RPS6KA2: variants seen among roughly 807,000 people sequenced by gnomAD.
RPS6KA2 encodes ribosomal protein S6 kinase A2.
Under a neutral mutation model 91.8 loss-of-function variants are expected in RPS6KA2, and 42 were observed. The ratio of observed to expected loss-of-function variants is 0.46; its 90% confidence interval spans 0.36 to 0.59. The LOEUF is 0.59. Among genes scored for constraint, RPS6KA2 ranks in the 20% least tolerant of loss-of-function variants. RPS6KA2 has a pLI of 0.00. For missense variants in RPS6KA2, 798 were observed against 978.5 expected (o/e 0.82, Z 2.46); for synonymous variants, 414 against 393.6 (o/e 1.05, Z -0.61).
At chr6:166,436,641 G>T (rs1379104201) in intron 14 of RPS6KA2, among the ~76,000 whole-genome samples, 1 of 152,258 alleles carries the variant, frequency 6.6e-6, no homozygotes, top group African/African-American at 2.4e-5. Context: ...GGAGCCAGAG[G>T]CATGGAAGTG....
intron 2 of RPS6KA2, among the ~76,000 whole-genome samples, chr6:166,725,650 T>G (rs958481641): frequency 2.0e-5 from 3 of 152,008 alleles, no homozygotes; most frequent in South Asian, 2.1e-4. Context: ...GGTGAGCCAG[T>G]GGGGGGTGGG....
chr6:166,621,049 T>C (rs1426078224), intron 1 of RPS6KA2, among the ~76,000 whole-genome samples: 2 of 152,106 alleles, frequency 1.3e-5, no homozygotes, highest in African/African-American at 2.4e-5. Flanking sequence ...CTGGGGAGCT[T>C]TGCACACCAA....
At position 166,582,073 on chromosome 6, in the gene RPS6KA2, A is replaced by G. The variant is rs1169760924; in HGVS notation, c.100-43289T>C. The stretch of plus-strand genomic sequence containing the variant: ...GCAGGAGGGCCCAGGGAGAGATGAG[A>G]TGGGGTGGGACGCCCACTGGGCAGG... On this transcript the variant is annotated intron_variant, in intron 1 of 20. Transcript: ENST00000265678. Among the ~76,000 whole-genome samples the G allele has an allele frequency of 1.2e-4, 15 of 124,002 alleles. No homozygotes were observed. The South Asian group carries it at 4.4e-3, about 36-fold the overall frequency. The allele number at this position is 124,002 out of a possible 152,430, so 81.4% of individuals were successfully genotyped here.
rs79659371 is a variant in RPS6KA2, at chr6:166,486,018, C to T, written c.907+2815G>A. Among the ~76,000 whole-genome samples, 424 of 152,256 alleles carry T rather than the reference C, an allele frequency of 2.8e-3. 1 individual carries two copies. The highest frequency in any genetic ancestry group is 7.1e-3 in the African/African-American group (295 of 41,544). ...AACCGTGGGTGTGCACCAGGACCAG[C>T]GAGTGAAGGGCCAAGGTGCAGACAG... is the stretch of plus-strand genomic sequence containing the variant. On this transcript the variant is annotated intron_variant, in intron 10 of 20. Transcript: ENST00000265678.
Position 166,434,877 on chromosome 6 carries a change from G to T in RPS6KA2, c.1333-2387C>A, listed in dbSNP as rs1157986926. On this transcript the variant is annotated intron_variant, in intron 14 of 20. Transcript: ENST00000265678. This position sits in a 1 kb window ranked among gnomAD's most constrained non-coding sequence, Gnocchi z 4.4. The stretch of plus-strand genomic sequence containing the variant: ...AAAAATGGAGAGAAGAATGCAGATA[G>T]ACGCATCCATTTCCTTGTGGGTGCA... Among the ~76,000 whole-genome samples, 2 of 152,196 alleles carry T rather than the reference G, an allele frequency of 1.3e-5. No individual in the cohort carries two copies. Among genetic ancestry groups the T allele is most frequent in the Non-Finnish European group, 2.9e-5 (2 of 68,042 alleles).
chr6:166,799,997 G>T (rs1467541484), intron 2 of RPS6KA2, among the ~76,000 whole-genome samples: 3 of 152,128 alleles, frequency 2.0e-5, no homozygotes, highest in African/African-American at 7.2e-5. Flanking sequence ...CTGCCTGGTG[G>T]GGATTTGCTC....
At chr6:166,813,122 C>T (rs968483168) in intron 2 of RPS6KA2, among the ~76,000 whole-genome samples, 3 of 152,048 alleles carry the variant, frequency 2.0e-5, no homozygotes, top group East Asian at 1.9e-4. Flanking sequence ...CCCTGGAGAA[C>T]GGATCCAGAC....
At chr6:166,843,094 G>A (rs576992168) in intron 2 of RPS6KA2, among the ~76,000 whole-genome samples, 3 of 152,268 alleles carry the variant, frequency 2.0e-5, no homozygotes, top group Admixed American at 2.0e-4. Context: ...TGGGAGCAGG[G>A]TGAGGCCTGT....
At chr6:166,692,035 A>G (rs1482784189) in intron 2 of RPS6KA2, among the ~76,000 whole-genome samples, 1 of 152,184 alleles carries the variant, frequency 6.6e-6, no homozygotes, top group Non-Finnish European at 1.5e-5. Flanking sequence ...GTTACAGGTC[A>G]GGGCGTCCTG....
At chr6:166,486,298 A>G (rs1781408352) in intron 10 of RPS6KA2, among the ~76,000 whole-genome samples, 1 of 148,920 alleles carries the variant, frequency 6.7e-6, no homozygotes, top group African/African-American at 2.5e-5. Context: ...GAACACACAC[A>G]CACAGTGCCC....
chr6:166,688,040 C>G (rs1789078941), intron 2 of RPS6KA2, among the ~76,000 whole-genome samples: 1 of 151,960 alleles, frequency 6.6e-6, no homozygotes, highest in Non-Finnish European at 1.5e-5. Flanking sequence ...CAGGGATTGG[C>G]TGGGAGGAGA....
chr6:166,804,813 C>T (rs1279364454), intron 2 of RPS6KA2, among the ~76,000 whole-genome samples: 2 of 152,090 alleles, frequency 1.3e-5, no homozygotes, highest in Non-Finnish European at 2.9e-5. Flanking sequence ...AATAGACTAA[C>T]AAGACATATG....
At chr6:166,741,908 C>T (rs1196607689) in intron 2 of RPS6KA2, among the ~76,000 whole-genome samples, 3 of 152,208 alleles carry the variant, frequency 2.0e-5, no homozygotes, top group Non-Finnish European at 2.9e-5. Context: ...AGGCGGATCA[C>T]CTGAGGTCGG....
chr6:166,456,982 C>G (rs1297830394), intron 12 of RPS6KA2, among the ~76,000 whole-genome samples: 2 of 152,206 alleles, frequency 1.3e-5, no homozygotes, highest in South Asian at 4.1e-4. Context: ...GTTCCACTGG[C>G]CAACTAGGTT....
intron 13 of RPS6KA2, among the ~76,000 whole-genome samples, chr6:166,450,538 A>G (rs111218358): frequency 0.042 from 6,045 of 144,230 alleles, 267 homozygotes; most frequent in East Asian, 0.23. Context: ...AGGGAACACC[A>G]TGGGGACCAC....
chr6:166,838,941 C>T (rs73270713), intron 2 of RPS6KA2, among the ~76,000 whole-genome samples: 2,431 of 151,100 alleles, frequency 0.016, 189 homozygotes, highest in African/African-American at 0.057. Flanking sequence ...CCATGGAGGT[C>T]GGGATGGATG....
intron 16 of RPS6KA2, among the ~76,000 whole-genome samples, chr6:166,424,823 T>G (rs1468503632): frequency 6.6e-6 from 1 of 152,236 alleles, no homozygotes; most frequent in African/African-American, 2.4e-5. Context: ...ACGAAAATTC[T>G]TAATTTCTTT....
chr6:166,858,074 A>T (rs1583184861), intron 2 of RPS6KA2: 9 of 730,182 alleles, frequency 1.2e-5, no homozygotes, highest in South Asian at 7.8e-5. Context: ...GTATGTATAG[A>T]GACACATATG....
chr6:166,503,551 C>T (rs1450316895), intron 6 of RPS6KA2, among the ~76,000 whole-genome samples: 1 of 152,164 alleles, frequency 6.6e-6, no homozygotes, highest in Non-Finnish European at 1.5e-5. Flanking sequence ...GCCGGTCGGT[C>T]CCACCAGGCC....
Sources: allele counts gnomAD v4.1 joint callset (sites outside exome capture counted in the v4.1 genomes callset), GRCh38; gene constraint gnomAD v4.1.1; non-coding constraint Gnocchi (gnomAD v3.1); transcripts MANE v1.5; gene names NCBI Gene and HGNC (gene_info 2026-07-23, HGNC 2026-07-21).